Variants in ZNF438 observed in about 807,000 individuals in gnomAD.
ZNF438 encodes zinc finger protein 438.
ZNF438 carries 25 observed loss-of-function variants against 38.0 expected under a neutral mutation model. The ratio of observed to expected loss-of-function variants is 0.66; its 90% CI spans 0.48 to 0.92. The LOEUF (loss-of-function observed/expected upper bound fraction) is 0.92. Among genes scored for constraint, ZNF438 ranks in the 40% least tolerant of loss-of-function variants. The probability of loss-of-function intolerance (pLI) is 0.00; values close to 1 mark genes in which losing one functional copy is unlikely to be tolerated. For missense variants in ZNF438, 1,007 were observed against 999.6 expected (o/e 1.01, Z -0.10); for synonymous variants, 372 against 364.1 (o/e 1.02, Z -0.25).
intron 1 of ZNF438, among the ~76,000 whole-genome samples, chr10:30,973,242 C>G (rs936661142): frequency 2.4e-4 from 36 of 152,154 alleles, no homozygotes; most frequent in Admixed American, 3.3e-4. Flanking sequence ...CCCTCATGTA[C>G]CTGGCACTCT....
chr10:30,951,638 G>C (rs372544809), intron 1 of ZNF438, among the ~76,000 whole-genome samples: 17 of 152,096 alleles, frequency 1.1e-4, no homozygotes, highest in South Asian at 8.3e-4. Flanking sequence ...ATGAGTGAAC[G>C]CCCATTCACA....
At chr10:30,976,014 A>G (rs2051302214) in intron 1 of ZNF438, among the ~76,000 whole-genome samples, 1 of 152,104 alleles carries the variant, frequency 6.6e-6, no homozygotes, top group Non-Finnish European at 1.5e-5. Context: ...ATACCATCCT[A>G]TTCTTAACTG....
intron 2 of ZNF438, among the ~76,000 whole-genome samples, chr10:30,913,920 T>C (rs546283154): frequency 6.6e-6 from 1 of 152,100 alleles, no homozygotes; most frequent in Admixed American, 6.6e-5. Flanking sequence ...TCTTAGCATA[T>C]TAAGCCATAG....
chr10:30,914,023 T>G (rs1206519899), intron 2 of ZNF438, among the ~76,000 whole-genome samples: 1 of 152,138 alleles, frequency 6.6e-6, no homozygotes, highest in Non-Finnish European at 1.5e-5. Flanking sequence ...AAACTGATAT[T>G]TTGCATTATT....
At chr10:30,888,335 A>G (rs1435362029) in intron 3 of ZNF438, among the ~76,000 whole-genome samples, 1 of 148,204 alleles carries the variant, frequency 6.7e-6, no homozygotes, top group African/African-American at 2.5e-5. Flanking sequence ...TTAGTTATAT[A>G]ATATTATAAA....
intron 2 of ZNF438, among the ~76,000 whole-genome samples, chr10:30,913,236 T>A (rs1032798626): frequency 1.3e-5 from 2 of 152,026 alleles, no homozygotes; most frequent in African/African-American, 2.4e-5. Context: ...CTGATCTTTA[T>A]TAAATATGAC....
At chr10:30,947,441 G>A (rs1462477591) in intron 1 of ZNF438, among the ~76,000 whole-genome samples, 1 of 152,234 alleles carries the variant, frequency 6.6e-6, no homozygotes, top group Non-Finnish European at 1.5e-5. Context: ...TGTCAGACAG[G>A]GACATTTAAG....
At chr10:30,949,393 T>G (rs927160191) in intron 1 of ZNF438, among the ~76,000 whole-genome samples, 28 of 152,238 alleles carry the variant, frequency 1.8e-4, no homozygotes, top group African/African-American at 6.0e-4. Flanking sequence ...CAAATTCACA[T>G]GTAACAATAT....
At chr10:31,011,002 T>A (rs2055646562) in intron 1 of ZNF438, among the ~76,000 whole-genome samples, 1 of 149,910 alleles carries the variant, frequency 6.7e-6, no homozygotes, top group South Asian at 2.1e-4. Flanking sequence ...ATGTAGTGGA[T>A]TAAATAATAG....
intron 3 of ZNF438, among the ~76,000 whole-genome samples, chr10:30,889,403 C>A (rs2040390314): frequency 6.6e-6 from 1 of 152,130 alleles, no homozygotes; most frequent in South Asian, 2.1e-4. Context: ...ATACTCCCCT[C>A]CCCTCTTCCC....
intron 5 of ZNF438, among the ~76,000 whole-genome samples, chr10:30,848,323 T>C (rs1002940003): frequency 3.3e-5 from 5 of 152,200 alleles, no homozygotes; most frequent in African/African-American, 1.2e-4. Flanking sequence ...CTTTACTAGA[T>C]TGGTTAGGGT....
At chr10:30,966,977 C>T (rs1373677614) in intron 1 of ZNF438, among the ~76,000 whole-genome samples, 3 of 152,038 alleles carry the variant, frequency 2.0e-5, no homozygotes, top group Non-Finnish European at 2.9e-5. Flanking sequence ...CGTTTCAGTC[C>T]CCAAGTCCCT....
At chr10:31,001,410 A>C (rs192720916) in intron 1 of ZNF438, among the ~76,000 whole-genome samples, 1 of 152,308 alleles carries the variant, frequency 6.6e-6, no homozygotes, top group African/African-American at 2.4e-5. Context: ...GCTATCCTTA[A>C]AAGCCCACAT....
chr10:30,863,408 C>G (rs1329486555), intron 4 of ZNF438, among the ~76,000 whole-genome samples: 1 of 152,134 alleles, frequency 6.6e-6, no homozygotes, highest in East Asian at 1.9e-4. Context: ...ATCTACAGAT[C>G]CTGTCGTGTG....
At chr10:30,932,816 T>C (rs890536745) in intron 2 of ZNF438, among the ~76,000 whole-genome samples, 1 of 152,172 alleles carries the variant, frequency 6.6e-6, no homozygotes, top group Non-Finnish European at 1.5e-5. Flanking sequence ...CCTAATCCAA[T>C]GTACTGGTAT....
chr10:30,992,041 T>C (rs530906989), intron 1 of ZNF438, among the ~76,000 whole-genome samples: 2 of 152,314 alleles, frequency 1.3e-5, no homozygotes, highest in African/African-American at 2.4e-5. Flanking sequence ...CAGGAGTGAC[T>C]GGGAATGAAT....
chr10:30,874,978 G>A (rs922929969), intron 4 of ZNF438, among the ~76,000 whole-genome samples: 1 of 152,068 alleles, frequency 6.6e-6, no homozygotes, highest in Non-Finnish European at 1.5e-5. Flanking sequence ...TTATTGTGAA[G>A]ATTAAATAAA....
chr10:31,000,373 T>C (rs1422436032), intron 1 of ZNF438, among the ~76,000 whole-genome samples: 5 of 152,236 alleles, frequency 3.3e-5, no homozygotes, highest in Admixed American at 6.5e-5. Flanking sequence ...GCCAGACCTA[T>C]TGAATCAAAA....
intron 4 of ZNF438, among the ~76,000 whole-genome samples, chr10:30,874,114 G>GTATGTATATA (rs2037993146): frequency 1.2e-5 from 1 of 80,290 alleles, no homozygotes; most frequent in Admixed American, 1.2e-4. Context: ...GTGTGTGTGT[G>GTATGTATATA]TATATATATA....
Sources: allele counts gnomAD v4.1 joint callset (sites outside exome capture counted in the v4.1 genomes callset), GRCh38; gene constraint gnomAD v4.1.1; transcripts MANE v1.5; gene names NCBI Gene and HGNC (gene_info 2026-07-23, HGNC 2026-07-21).